Variants in TRABD2A observed in about 807,000 individuals in gnomAD.
TRABD2A encodes the protein TraB domain containing 2A.
Under a neutral mutation model 45.6 loss-of-function variants are expected in TRABD2A, and 43 were observed. The ratio of observed to expected loss-of-function variants is 0.94; its 90% CI spans 0.74 to 1.22. The LOEUF (loss-of-function observed/expected upper bound fraction) is 1.22. TRABD2A is among the 50% of genes most tolerant of loss of function. The pLI is 0.00. For synonymous variants in TRABD2A, 269 were observed against 265.0 expected, an observed-to-expected ratio of 1.02 and a Z score of -0.15; for missense variants, 642 against 652.4, an observed-to-expected ratio of 0.98 and a Z score of 0.17.
Position 84,877,360 on chromosome 2 carries a change from T to C in TRABD2A, c.108+3572A>G, listed in dbSNP as rs1683060095. Among the ~76,000 whole-genome samples, 3 of 151,686 alleles carry C rather than the reference T, an allele frequency of 2.0e-5. 1 individual carries two copies. The highest frequency in any genetic ancestry group is 2.0e-4 in the Admixed American group (3 of 15,230). ...AATATATGGCAATTAGAAGAAGCCATAGATTTTAACATTAGGGTGGTTTAA... is the reference window on the plus strand; with the variant it reads ...AATATATGGCAATTAGAAGAAGCCACAGATTTTAACATTAGGGTGGTTTAA... On this transcript the variant is annotated intron_variant, in intron 1 of 6. Transcript: ENST00000409520.
chr2:84,850,480 G>T (rs895963701), intron 2 of TRABD2A, among the ~76,000 whole-genome samples: 8 of 152,028 alleles, frequency 5.3e-5, no homozygotes, highest in Non-Finnish European at 1.0e-4. Context: ...AGAACCAATG[G>T]GCGTGTGACA....
At chr2:84,875,928 G>A (rs1683012026) in intron 1 of TRABD2A, among the ~76,000 whole-genome samples, 1 of 151,852 alleles carries the variant, frequency 6.6e-6, no homozygotes, top group African/African-American at 2.4e-5. Context: ...GGGAGGATGA[G>A]GCTGCAGTGA....
intron 5 of TRABD2A, among the ~76,000 whole-genome samples, chr2:84,827,477 G>T (rs1681182796): frequency 1.3e-5 from 2 of 152,198 alleles, no homozygotes; most frequent in African/African-American, 4.8e-5. Context: ...TACTTCAAGT[G>T]CATCCCCCTT....
chr2:84,861,247 GCA>G (rs1390583657), intron 2 of TRABD2A, among the ~76,000 whole-genome samples: 2 of 152,086 alleles, frequency 1.3e-5, no homozygotes, highest in African/African-American at 4.8e-5. Flanking sequence ...CATTTATTGT[GCA>G]CTTTATTTCT....
At chr2:84,845,122 A>T (rs1264077435) in intron 2 of TRABD2A, among the ~76,000 whole-genome samples, 1 of 152,120 alleles carries the variant, frequency 6.6e-6, no homozygotes, top group Admixed American at 6.5e-5. Context: ...AGGCCGATGC[A>T]GGTGGATCCC....
In TRABD2A at chr2:84,881,014, A is replaced by G; in HGVS notation, c.26T>C (p.Leu9Pro). 6.2e-7 allele frequency: 1 copy of G among 1,605,248 alleles called. No homozygotes were observed. Among genetic ancestry groups the G allele is most frequent in the African/African-American group, 1.3e-5 (1 of 74,964 alleles). Residue 9 changes from leucine to proline, a missense_variant, in exon 1 of 7, where the codon CTG (leucine) becomes CCG (proline). Transcript: ENST00000409520. ...CGTGGGCAGGAGGCAGAGGGTCTGC[A>G]GCAGGAACCAGCTCCAGGGACTCAT... MSPWSWFL[L>P]QTLCLLPTGA...
At chr2:84,826,014 G>C (rs1681135823) in intron 5 of TRABD2A, among the ~76,000 whole-genome samples, 1 of 151,978 alleles carries the variant, frequency 6.6e-6, no homozygotes, top group African/African-American at 2.4e-5. Context: ...CAAAAACGTT[G>C]AGGGCCACTG....
intron 2 of TRABD2A, among the ~76,000 whole-genome samples, chr2:84,845,572 G>T (rs1030235168): frequency 6.6e-6 from 1 of 152,000 alleles, no homozygotes; most frequent in Non-Finnish European, 1.5e-5. Context: ...GACAAGGGCG[G>T]GGGAAGAAGG....
At chr2:84,839,390 A>G in intron 3 of TRABD2A, 67 bp from the exon 4 acceptor site, 1 of 1,453,072 alleles carries the variant, frequency 6.9e-7, no homozygotes, top group East Asian at 2.5e-5. Flanking sequence ...ACTTCATTGG[A>G]GCATCAAATC....
intron 1 of TRABD2A, among the ~76,000 whole-genome samples, chr2:84,879,266 C>T (rs919165306): frequency 2.6e-5 from 4 of 151,848 alleles, no homozygotes; most frequent in African/African-American, 7.3e-5. Context: ...TCACTGGCCT[C>T]CACTCCCAGG....
At chr2:84,838,103 T>C (rs1212302886) in intron 4 of TRABD2A, 1 of 650,800 alleles carries the variant, frequency 1.5e-6, no homozygotes, top group African/African-American at 1.8e-5. Context: ...CTATTGGACA[T>C]GTCAAATAGT....
chr2:84,854,896 C>G (rs1364947907), intron 2 of TRABD2A, among the ~76,000 whole-genome samples: 3 of 152,146 alleles, frequency 2.0e-5, no homozygotes, highest in Non-Finnish European at 4.4e-5. Context: ...ACAAAACCAT[C>G]CTTGGATTAC....
intron 5 of TRABD2A, among the ~76,000 whole-genome samples, chr2:84,827,029 C>A (rs1281641412): frequency 1.3e-5 from 2 of 152,200 alleles, no homozygotes; most frequent in Non-Finnish European, 2.9e-5. Context: ...GGCTGCTCTT[C>A]TGTCTCAAAT....
chr2:84,865,995 A>T (rs1456359782), intron 2 of TRABD2A, among the ~76,000 whole-genome samples: 1 of 152,228 alleles, frequency 6.6e-6, no homozygotes, highest in African/African-American at 2.4e-5. Flanking sequence ...ACTTGATTCG[A>T]TACCGAGGGG....
chr2:84,871,465 G>A (rs1682870361), intron 1 of TRABD2A, among the ~76,000 whole-genome samples: 1 of 151,910 alleles, frequency 6.6e-6, no homozygotes, highest in South Asian at 2.1e-4. Flanking sequence ...AATCTCTGGA[G>A]GTGGAACTCA....
chr2:84,835,082 G>A (rs1258941616), intron 4 of TRABD2A: 2 of 152,150 alleles, frequency 1.3e-5, no homozygotes, highest in Admixed American at 6.5e-5. Context: ...ATAGCCTAGT[G>A]AGTATGAAAT....
chr2:84,857,156 G>A (rs12472492), intron 2 of TRABD2A, among the ~76,000 whole-genome samples: 10,775 of 152,266 alleles, frequency 0.071, 502 homozygotes, highest in Non-Finnish European at 0.097. Flanking sequence ...CTAGGCTGTG[G>A]TATTCTGTTA....
chr2:84,828,909 G>A (rs531127806), intron 5 of TRABD2A, among the ~76,000 whole-genome samples: 1 of 152,312 alleles, frequency 6.6e-6, no homozygotes, highest in Admixed American at 6.5e-5. Flanking sequence ...GGATCTCACA[G>A]ATTCTGATAG....
At chr2:84,875,181 G>A (rs902688391) in intron 1 of TRABD2A, among the ~76,000 whole-genome samples, 11 of 152,212 alleles carry the variant, frequency 7.2e-5, no homozygotes, top group Non-Finnish European at 1.6e-4. Context: ...TGAGTACTGT[G>A]GCACAGGGTT....
Sources: gnomAD v4.1 joint callset for allele counts (sites outside exome capture counted in the v4.1 genomes callset) on GRCh38, gnomAD v4.1.1 for gene constraint, MANE v1.5 for transcripts, NCBI Gene and HGNC (gene_info 2026-07-23, HGNC 2026-07-21) for gene names.